KLF12: variants seen among roughly 807,000 people sequenced by gnomAD.
The protein encoded by KLF12 is KLF transcription factor 12.
In KLF12, 9 loss-of-function variants were observed where a neutral mutation model predicts 37.8. The observed-to-expected ratio is 0.24, with a 90% CI of 0.14 to 0.42. KLF12 has a LOEUF of 0.42. Ranked by LOEUF, KLF12 falls within the 10% of genes least tolerant of loss-of-function variation. The pLI is 1.00. For synonymous variants in KLF12, 208 were observed against 202.1 expected, an observed-to-expected ratio of 1.03 and a Z score of -0.25; for missense variants, 411 against 516.0, an observed-to-expected ratio of 0.80 and a Z score of 1.97.
chr13:73,874,985 T>C (rs1236805123), intron 3 of KLF12, among the ~76,000 whole-genome samples: 1 of 152,110 alleles, frequency 6.6e-6, no homozygotes, highest in African/African-American at 2.4e-5. Context: ...TATAAAAATA[T>C]AATCAGGAAT....
At chr13:74,138,032 A>G (rs1427326065), upstream of KLF12, among the ~76,000 whole-genome samples, 3 of 152,250 alleles carry the variant, frequency 2.0e-5, no homozygotes, top group East Asian at 5.8e-4. Context: ...CCGGGATTAC[A>G]GGCGGGAGCC....
chr13:73,794,990 G>C (rs945318393), intron 5 of KLF12, among the ~76,000 whole-genome samples: 7 of 152,144 alleles, frequency 4.6e-5, no homozygotes, highest in East Asian at 1.9e-4. Context: ...CTGTCTCCTA[G>C]ATAGAGCCAG....
At chr13:74,103,744 T>C (rs1222428105) in intron 1 of KLF12, among the ~76,000 whole-genome samples, 2 of 152,190 alleles carry the variant, frequency 1.3e-5, no homozygotes, top group Non-Finnish European at 2.9e-5. Context: ...GAATATGTAC[T>C]GATGAGACGT....
chr13:73,734,353 A>G (rs1877291011), intron 6 of KLF12, among the ~76,000 whole-genome samples: 1 of 151,962 alleles, frequency 6.6e-6, no homozygotes, highest in South Asian at 2.1e-4. Flanking sequence ...TTTGTTCATA[A>G]TCCATCTCTC....
chr13:73,888,844 A>G (rs1887358389), intron 3 of KLF12, among the ~76,000 whole-genome samples: 1 of 152,194 alleles, frequency 6.6e-6, no homozygotes, highest in African/African-American at 2.4e-5. Context: ...TTTATTGTCA[A>G]AAAGCTTACC....
At chr13:74,088,531 G>C (rs888507433) in intron 1 of KLF12, among the ~76,000 whole-genome samples, 2 of 152,150 alleles carry the variant, frequency 1.3e-5, no homozygotes, top group African/African-American at 4.8e-5. Flanking sequence ...CCGAGCCCTA[G>C]ATCTTTCAAC....
chr13:73,743,034 A>AAG (rs1878112600), intron 6 of KLF12, among the ~76,000 whole-genome samples: 1 of 150,820 alleles, frequency 6.6e-6, no homozygotes, highest in Non-Finnish European at 1.5e-5. Context: ...AAAAAAAAAA[A>AAG]GGGAGCCTTT....
intron 3 of KLF12, among the ~76,000 whole-genome samples, chr13:73,934,993 T>C (rs1013675870): frequency 8.6e-5 from 10 of 116,374 alleles, no homozygotes. Flanking sequence ...TTATTTATTT[T>C]GAGACAGATG....
At chr13:73,728,681 G>A (rs1454639590) in intron 6 of KLF12, among the ~76,000 whole-genome samples, 4 of 152,204 alleles carry the variant, frequency 2.6e-5, no homozygotes, top group African/African-American at 7.2e-5. Flanking sequence ...CAAGATAAAC[G>A]TGGTTTTCTC....
At chr13:74,063,772 T>C (rs1367993951) in intron 1 of KLF12, among the ~76,000 whole-genome samples, 1 of 152,206 alleles carries the variant, frequency 6.6e-6, no homozygotes, top group African/African-American at 2.4e-5. Flanking sequence ...CCAAATTTTA[T>C]TTTAGTATTT....
intron 5 of KLF12, chr13:73,801,494 T>C (rs1222372899): frequency 6.6e-6 from 1 of 152,132 alleles, no homozygotes; most frequent in Non-Finnish European, 1.5e-5. Context: ...CGAGTATCTA[T>C]GTCAACACAC....
chr13:74,054,673 A>T (rs1686189427), intron 1 of KLF12, among the ~76,000 whole-genome samples: 1 of 152,168 alleles, frequency 6.6e-6, no homozygotes, highest in South Asian at 2.1e-4. Context: ...TGTTAATGCA[A>T]TTTTTTGGTG....
At chr13:74,007,650 A>G (rs1892446987) in intron 1 of KLF12, among the ~76,000 whole-genome samples, 1 of 152,214 alleles carries the variant, frequency 6.6e-6, no homozygotes, top group Non-Finnish European at 1.5e-5. Context: ...GCCTAAAGAT[A>G]TAAAATAAAC....
At chr13:73,937,228 T>C (rs1889984111) in intron 3 of KLF12, among the ~76,000 whole-genome samples, 1 of 152,034 alleles carries the variant, frequency 6.6e-6, no homozygotes, top group Non-Finnish European at 1.5e-5. Flanking sequence ...TTTTTTGTGA[T>C]GCACTTTATA....
intron 6 of KLF12, among the ~76,000 whole-genome samples, chr13:73,733,966 C>CT (rs1489874934): frequency 1.3e-5 from 2 of 152,214 alleles, no homozygotes; most frequent in Admixed American, 6.5e-5. Flanking sequence ...TTATCATCAC[C>CT]TATAAGGCGC....
At chr13:73,794,423 G>T (rs569220451) in intron 5 of KLF12, among the ~76,000 whole-genome samples, 7 of 152,310 alleles carry the variant, frequency 4.6e-5, no homozygotes, top group African/African-American at 1.7e-4. Flanking sequence ...TTGCGCCACT[G>T]CACTCCAGCC....
At chr13:74,255,331 G>A in the KLF12 span, among the ~76,000 whole-genome samples, 1 of 152,180 alleles carries the variant, frequency 6.6e-6, no homozygotes, top group African/African-American at 2.4e-5. Context: ...CATTGCATGT[G>A]CCAGAGTGCA....
chr13:73,928,006 C>A (rs767501266), intron 3 of KLF12, among the ~76,000 whole-genome samples: 1 of 151,986 alleles, frequency 6.6e-6, no homozygotes, highest in African/African-American at 2.4e-5. Context: ...TACAGGCACA[C>A]ACCACCACAC....
At chr13:73,919,810 G>C (rs552918706) in intron 3 of KLF12, among the ~76,000 whole-genome samples, 1 of 152,194 alleles carries the variant, frequency 6.6e-6, no homozygotes, top group African/African-American at 2.4e-5. Flanking sequence ...AGGTGTTCTA[G>C]TACATCAGGG....
Sources: gnomAD v4.1 joint callset for allele counts (sites outside exome capture counted in the v4.1 genomes callset) on GRCh38, gnomAD v4.1.1 for gene constraint, MANE v1.5 for transcripts, NCBI Gene and HGNC (gene_info 2026-07-23, HGNC 2026-07-21) for gene names.